The following PCDHGA12 variants were observed in gnomAD, a reference collection of about 807,000 sequenced individuals.
PCDHGA12 encodes protocadherin gamma-A12.
PCDHGA12 carries 43 observed loss-of-function variants against 61.1 expected under a neutral mutation model. The observed-to-expected ratio is 0.70, with a 90% CI of 0.55 to 0.91. The LOEUF is 0.91. PCDHGA12 is among the 40% of genes least tolerant of loss of function. The pLI, the probability that PCDHGA12 is intolerant of heterozygous loss-of-function variation, is 0.00. For synonymous variants in PCDHGA12, 520 were observed against 542.9 expected, an observed-to-expected ratio of 0.96 and a Z score of 0.59; for missense variants, 1,236 against 1,227.7, an observed-to-expected ratio of 1.01 and a Z score of -0.10.
chr5:141,478,145 T>C (rs1252008984), intron 1 of PCDHGA12: 1 of 1,614,026 alleles, frequency 6.2e-7, no homozygotes. Context: ...CCGAGCCGAG[T>C]TCCCCTCTGG....
At chr5:141,445,420 T>C (rs968387442) in intron 1 of PCDHGA12, among the ~76,000 whole-genome samples, 3 of 152,204 alleles carry the variant, frequency 2.0e-5, no homozygotes, top group Admixed American at 6.5e-5. Context: ...GTCTGCTATA[T>C]GCAAGGCACT....
intron 1 of PCDHGA12, among the ~76,000 whole-genome samples, chr5:141,481,215 G>T (rs1238465869): frequency 6.6e-6 from 1 of 152,152 alleles, no homozygotes; most frequent in Non-Finnish European, 1.5e-5. Context: ...AACATGGTAA[G>T]GTCTCCCAGC....
In PCDHGA12 at chr5:141,431,048, A is replaced by T; in HGVS notation, c.289A>T (p.Met97Leu). Residue 97 changes from methionine to leucine, a missense_variant, in exon 1 of 4, where the codon ATG becomes TTG. By Grantham distance (15) the Met-to-Leu change is conservative. Transcript: ENST00000252085. This position sits in a 1 kb window ranked among gnomAD's most constrained non-coding sequence, Gnocchi z 4.8. The part of the protein sequence containing the change: ...AGRIDREELC[M>L]GAIKCQLNLD... ...CAGGATAGACCGGGAGGAGCTCTGT[A>T]TGGGGGCCATCAAGTGTCAATTAAA... 6.2e-7 allele frequency: 1 copy of T among 1,614,180 alleles called. No homozygotes were observed. The highest frequency in any genetic ancestry group is 1.1e-5 in the South Asian group (1 of 91,088).
intron 1 of PCDHGA12, among the ~76,000 whole-genome samples, chr5:141,456,499 A>C (rs1283501704): frequency 6.6e-6 from 1 of 152,210 alleles, no homozygotes; most frequent in Non-Finnish European, 1.5e-5. Flanking sequence ...AAAGGGGTTA[A>C]CCAATTCCAT....
chr5:141,474,011 A>T (rs910186122), intron 1 of PCDHGA12, among the ~76,000 whole-genome samples: 2 of 152,112 alleles, frequency 1.3e-5, no homozygotes, highest in Non-Finnish European at 2.9e-5. Flanking sequence ...TGGAAGTTAC[A>T]GTGAGCTATG....
rs762770481 is a variant in PCDHGA12, at chr5:141,432,320, G to GACT, written c.1564_1566dup (p.Tyr522dup). On this transcript the variant is annotated inframe_insertion, in exon 1 of 4. Coordinates refer to ENST00000252085, the MANE Select transcript of PCDHGA12 (RefSeq NM_003735.3). This position sits in a 1 kb window ranked among gnomAD's most constrained non-coding sequence, Gnocchi z 6.0. ...GGTACTGTATGCGCTGAGCTCCTTC[G>GACT]ACTACGAGCAGTTCCGAGACTTGCA... is the stretch of plus-strand genomic sequence containing the variant. The GACT allele has an allele frequency of 2.6e-5, 42 of 1,614,238 alleles. No individual in the cohort carries two copies. The highest frequency in any genetic ancestry group is 3.6e-5 in the Non-Finnish European group (42 of 1,180,038).
At chr5:141,460,724 A>C (rs1294708205) in intron 1 of PCDHGA12, among the ~76,000 whole-genome samples, 1 of 152,114 alleles carries the variant, frequency 6.6e-6, no homozygotes, top group African/African-American at 2.4e-5. Context: ...TGTTATAAGC[A>C]TATATACACA....
intron 1 of PCDHGA12, among the ~76,000 whole-genome samples, chr5:141,438,039 C>T (rs1373700448): frequency 6.6e-6 from 1 of 152,024 alleles, no homozygotes; most frequent in Non-Finnish European, 1.5e-5. Flanking sequence ...CCATGCCCGA[C>T]CACTTTGAGT....
At chr5:141,466,624 G>C (rs1279938026) in intron 1 of PCDHGA12, among the ~76,000 whole-genome samples, 1 of 152,038 alleles carries the variant, frequency 6.6e-6, no homozygotes, top group Non-Finnish European at 1.5e-5. Context: ...GTTTTCTTTG[G>C]AGCATTGTCT....
rs1356654620 is a variant in PCDHGA12 at position 141,490,430 on chromosome 5, TTAA to T, written c.2425-4376_2425-4374del. On this transcript the variant is annotated intron_variant, in intron 1 of 3. Coordinates refer to ENST00000252085, the MANE Select transcript of PCDHGA12 (RefSeq NM_003735.3). The surrounding 1 kb of genome is among the most constrained non-coding windows in gnomAD (Gnocchi z 5.4). ...ATCTCTCCGGACCTGCCATTTCAGA[TTAA>T]GCCTTCTGAGAACCACTACTCGCTG... 1 of 1,614,162 alleles carries T rather than the reference TTAA, an allele frequency of 6.2e-7. No individual in the cohort carries two copies.
At chr5:141,474,758 C>T (rs2099354200) in intron 1 of PCDHGA12, among the ~76,000 whole-genome samples, 1 of 152,210 alleles carries the variant, frequency 6.6e-6, no homozygotes, top group Non-Finnish European at 1.5e-5. Flanking sequence ...GACAAATATA[C>T]AGAAATAGTA....
rs576464275 is a variant in PCDHGA12, at chr5:141,448,784, CA to C, written c.2424+15612del. ...TGAAACCCCGTCTGTACTAAAAATA[CA>C]AAAAAAAAAATTAGCCAGGCGTGAT... On this transcript the variant is annotated intron_variant, in intron 1 of 3. Coordinates refer to ENST00000252085, the MANE Select transcript of PCDHGA12 (RefSeq NM_003735.3). Among the ~76,000 whole-genome samples, 323 of 145,522 alleles carry C rather than the reference CA, an allele frequency of 2.2e-3. 2 individuals are homozygous for C. The highest frequency in any genetic ancestry group is 5.9e-3 in the African/African-American group (238 of 40,012).
chr5:141,477,708 G>T lies in PCDHGA12; in HGVS notation c.2425-17099G>T. ...GTGCCCCTAGACTATGAGGATCGGC[G>T]GGAATTTGAATTAACAGCTCATATC... On this transcript the variant is annotated intron_variant, in intron 1 of 3. Transcript: ENST00000252085. The surrounding 1 kb of genome is among the most constrained non-coding windows in gnomAD (Gnocchi z 4.9). 2 of 1,613,930 alleles carry T rather than the reference G, an allele frequency of 1.2e-6. No individual in the cohort carries two copies. Among genetic ancestry groups the T allele is most frequent in the Non-Finnish European group, 1.7e-6 (2 of 1,180,030 alleles).
intron 1 of PCDHGA12, among the ~76,000 whole-genome samples, chr5:141,482,530 C>CAAAAAAAAAAAAA (rs3074545): frequency 3.9e-5 from 3 of 76,560 alleles, no homozygotes; most frequent in African/African-American, 9.6e-5. Context: ...GACAGACATG[C>CAAAAAAAAAAAAA]AAAAAAAAAA....
chr5:141,437,820 C>T (rs973577605), intron 1 of PCDHGA12, among the ~76,000 whole-genome samples: 4 of 151,904 alleles, frequency 2.6e-5, no homozygotes, highest in Non-Finnish European at 5.9e-5. Flanking sequence ...TCACTGCAAC[C>T]TCTGCCTCCT....
rs372054375 is a variant in PCDHGA12, at chr5:141,490,825, A to T, written c.2425-3982A>T. 9 of 1,613,692 alleles carry T rather than the reference A, an allele frequency of 5.6e-6. No individual in the cohort carries two copies. The highest frequency in any genetic ancestry group is 3.3e-4 in the Middle Eastern group (2 of 6,062). On this transcript the variant is annotated intron_variant, in intron 1 of 3. Transcript: ENST00000252085. This position sits in a 1 kb window ranked among gnomAD's most constrained non-coding sequence, Gnocchi z 5.4. ...TACCTTTGACTATGAATTGCTGCAG[A>T]TGCTGCAGATTGTGGTGGGGGTTCG... is the stretch of plus-strand genomic sequence containing the variant.
At chr5:141,447,937 T>A (rs1036604034) in intron 1 of PCDHGA12, among the ~76,000 whole-genome samples, 1 of 151,852 alleles carries the variant, frequency 6.6e-6, no homozygotes, top group Non-Finnish European at 1.5e-5. Context: ...AATACAAAAA[T>A]TAGCTGGGCA....
intron 2 of PCDHGA12, among the ~76,000 whole-genome samples, chr5:141,503,598 CAA>C (rs765754054): frequency 2.7e-4 from 18 of 65,718 alleles, no homozygotes; most frequent in Admixed American, 6.9e-4. Flanking sequence ...GACTCCAGCT[CAA>C]AAAAAAAAAA....
rs780541121 is a variant in PCDHGA12 at position 141,477,533 on chromosome 5, G to A, written c.2425-17274G>A. ...TTACATTGAAGAAAACAACCTCCCCGGGGCTCCAATACTAAACCTAAGTGT... is the reference window on the plus strand; with the variant it reads ...TTACATTGAAGAAAACAACCTCCCCAGGGCTCCAATACTAAACCTAAGTGT... On this transcript the variant is annotated intron_variant, in intron 1 of 3. Coordinates refer to ENST00000252085, the MANE Select transcript of PCDHGA12 (RefSeq NM_003735.3). This position sits in a 1 kb window ranked among gnomAD's most constrained non-coding sequence, Gnocchi z 4.9. The A allele has an allele frequency of 6.2e-7, 1 of 1,614,010 alleles. No individual in the cohort carries two copies. The highest frequency in any genetic ancestry group is 1.1e-5 in the South Asian group (1 of 91,066).
Sources: gnomAD v4.1 joint callset for allele counts (sites outside exome capture counted in the v4.1 genomes callset) on GRCh38, gnomAD v4.1.1 for gene constraint, Gnocchi (gnomAD v3.1) non-coding constraint, MANE v1.5 for transcripts, NCBI Gene and HGNC (gene_info 2026-07-23, HGNC 2026-07-21) for gene names.